The following ZMYM4 variants were observed in gnomAD, a reference collection of about 807,000 sequenced individuals.
ZMYM4 encodes the protein zinc finger MYM-type protein 4.
In ZMYM4, 31 loss-of-function variants were observed where a neutral mutation model predicts 183.2. That is an observed-to-expected ratio of 0.17 (90% CI 0.13 to 0.23). The LOEUF is 0.23. Ranked by LOEUF, ZMYM4 falls within the 10% of genes least tolerant of loss-of-function variation. The pLI is 1.00. For synonymous variants in ZMYM4, 592 were observed against 631.2 expected (o/e 0.94, Z 0.93); for missense variants, 1,273 against 1,840.3 (o/e 0.69, Z 5.64).
intron 2 of ZMYM4, chr1:35,351,520 C>A: frequency 7.7e-7 from 1 of 1,304,176 alleles, no homozygotes; most frequent in Non-Finnish European, 1.1e-6. Flanking sequence ...GGAACCATCC[C>A]AAAATATCCC....
chr1:35,381,226 C>T (rs1644450916), intron 7 of ZMYM4, 33 bp from the exon 8 acceptor site: 1 of 1,509,358 alleles, frequency 6.6e-7, no homozygotes, highest in Non-Finnish European at 9.0e-7. Context: ...ATGAATTATA[C>T]CATGGCTTAT....
In ZMYM4 at chr1:35,351,054, T is replaced by TTC. The variant is rs569636177; in HGVS notation, c.86-7870_86-7869insCT. 69 of 848,970 alleles carry TTC rather than the reference T, an allele frequency of 8.1e-5. 2 individuals carry two copies. The East Asian group carries it at 1.6e-3, about 20-fold the overall frequency. The allele number at this position is 848,970 out of a possible 1,614,324, so 52.6% of individuals were successfully genotyped here. On this transcript the variant is annotated intron_variant, in intron 2 of 29. Transcript: ENST00000314607. ...GCTGGCCCGCAGCCTTCTCAATAGG[T>TTC]TTGGCATGGACAAGATCTGTGAATG...
At chr1:35,331,798 A>G (rs1193233953) in intron 2 of ZMYM4, among the ~76,000 whole-genome samples, 1 of 4,776 alleles carries the variant, frequency 2.1e-4, no homozygotes, top group African/African-American at 2.9e-4. Flanking sequence ...TCAAAAATAC[A>G]TAAATAAATA....
intron 5 of ZMYM4, among the ~76,000 whole-genome samples, chr1:35,362,476 T>A (rs1643960636): frequency 6.6e-6 from 1 of 152,228 alleles, no homozygotes; most frequent in Non-Finnish European, 1.5e-5. Flanking sequence ...TATCAGATGC[T>A]GCAATCATTT....
intron 2 of ZMYM4, among the ~76,000 whole-genome samples, chr1:35,349,908 C>T (rs2148881141): frequency 6.6e-6 from 1 of 150,382 alleles, no homozygotes; most frequent in Non-Finnish European, 1.5e-5. Flanking sequence ...TCACAATCAC[C>T]TTGTTTTTGT....
At chr1:35,366,509 G>T (rs915459236) in intron 5 of ZMYM4, among the ~76,000 whole-genome samples, 3 of 152,202 alleles carry the variant, frequency 2.0e-5, no homozygotes, top group South Asian at 2.1e-4. Context: ...ATTTATGAAA[G>T]AATTAATAGA....
intron 1 of ZMYM4, among the ~76,000 whole-genome samples, chr1:35,301,217 T>G (rs1161438162): frequency 6.6e-6 from 1 of 152,188 alleles, no homozygotes; most frequent in East Asian, 1.9e-4. Context: ...TATTGAATAT[T>G]TGATGCCCCA....
At chr1:35,371,338 G>C (rs540034350) in intron 7 of ZMYM4, among the ~76,000 whole-genome samples, 1 of 152,038 alleles carries the variant, frequency 6.6e-6, no homozygotes, top group East Asian at 1.9e-4. Context: ...GGATGGTCTC[G>C]ATCTCCTGAC....
chr1:35,352,259 ACG>A (rs376025575), intron 2 of ZMYM4, among the ~76,000 whole-genome samples: 2,368 of 77,572 alleles, frequency 0.031, 98 homozygotes, highest in African/African-American at 0.12. Flanking sequence ...ATTAGCGCGC[ACG>A]CGCGCGCGCA....
chr1:35,339,900 T>C (rs1244439385), intron 2 of ZMYM4, among the ~76,000 whole-genome samples: 1 of 152,170 alleles, frequency 6.6e-6, no homozygotes, highest in Non-Finnish European at 1.5e-5. Context: ...TATAACTACA[T>C]CTGTAGGCAT....
chr1:35,377,542 T>C (rs891972616), intron 7 of ZMYM4, among the ~76,000 whole-genome samples: 4 of 152,230 alleles, frequency 2.6e-5, no homozygotes, highest in Admixed American at 1.3e-4. Context: ...ATTAGCTCAA[T>C]AAAGCAATTA....
At chr1:35,350,989 G>T in intron 2 of ZMYM4, 1 of 829,644 alleles carries the variant, frequency 1.2e-6, no homozygotes, top group Non-Finnish European at 1.9e-6. Context: ...TTGAAGGTTG[G>T]CCTGACAAAT....
rs143168247 is a variant in ZMYM4 at position 35,381,413 on chromosome 1, A to C, written c.1336A>C (p.Met446Leu). Residue 446 changes from methionine to leucine, a missense_variant, in exon 8 of 30, where the codon ATG (methionine) becomes CTG (leucine). Met to Leu is a conservative substitution (Grantham distance 15). Coordinates refer to ENST00000314607, the MANE Select transcript of ZMYM4 (RefSeq NM_005095.3). ...AAATAGTATTTCAACCAAATGCAGC[A>C]TGTGTCAGAAGAATGCTGTTGTAAG... ...NTNSISTKCS[M>L]CQKNAVIRHE... is the part of the protein sequence containing the mutation. The C allele has an allele frequency of 5.0e-6, 8 of 1,609,180 alleles. No homozygotes were observed. The highest frequency in any genetic ancestry group is 6.8e-6 in the Non-Finnish European group (8 of 1,176,672).
At chr1:35,319,455 C>G (rs1642194153) in intron 1 of ZMYM4, among the ~76,000 whole-genome samples, 1 of 151,970 alleles carries the variant, frequency 6.6e-6, no homozygotes, top group South Asian at 2.1e-4. Flanking sequence ...TACCCAGTCT[C>G]TACAGAAAAT....
intron 7 of ZMYM4, among the ~76,000 whole-genome samples, chr1:35,372,031 A>T (rs180894646): frequency 2.6e-5 from 4 of 152,214 alleles, no homozygotes; most frequent in Admixed American, 2.0e-4. Context: ...CTAATTACAC[A>T]TTCTTTTGAA....
chr1:35,376,597 C>T (rs1355124748), intron 7 of ZMYM4, among the ~76,000 whole-genome samples: 1 of 152,110 alleles, frequency 6.6e-6, no homozygotes, highest in Non-Finnish European at 1.5e-5. Context: ...GATCTTGGCT[C>T]ACTGCAACCT....
At chr1:35,325,537 A>C in intron 2 of ZMYM4, 132 bp downstream of exon 2, 1 of 745,660 alleles carries the variant, frequency 1.3e-6, no homozygotes, top group Non-Finnish European at 2.1e-6. Context: ...TTTAGTCTAG[A>C]TCTCATCACG....
At chr1:35,302,060 G>A (rs999717056) in intron 1 of ZMYM4, among the ~76,000 whole-genome samples, 2 of 152,148 alleles carry the variant, frequency 1.3e-5, no homozygotes, top group Middle Eastern at 3.2e-3. Context: ...CATAATAGCC[G>A]AAAAGTTGAA....
At chr1:35,270,906 T>G (rs536155633) in intron 1 of ZMYM4, among the ~76,000 whole-genome samples, 8 of 152,368 alleles carry the variant, frequency 5.3e-5, no homozygotes, top group Middle Eastern at 3.4e-3. Context: ...AATAAATTTT[T>G]ACCATTGATA....
Sources: gnomAD v4.1 joint callset for allele counts (sites outside exome capture counted in the v4.1 genomes callset) on GRCh38, gnomAD v4.1.1 for gene constraint, MANE v1.5 for transcripts, NCBI Gene and HGNC (gene_info 2026-07-23, HGNC 2026-07-21) for gene names.